The following EHBP1 variants were observed in gnomAD, a reference collection of about 807,000 sequenced individuals.
EHBP1 encodes the protein EH domain-binding protein 1.
In EHBP1, 55 loss-of-function variants were observed where a neutral mutation model predicts 144.0. The observed-to-expected ratio is 0.38, with a 90% confidence interval of 0.31 to 0.48. The LOEUF is 0.48. Ranked by LOEUF, EHBP1 falls within the 20% of genes least tolerant of loss-of-function variation. The pLI, the probability that EHBP1 is intolerant of heterozygous loss-of-function variation, is 0.98. For missense variants in EHBP1, 1,200 were observed against 1,364.2 expected (o/e 0.88, Z 1.90); for synonymous variants, 469 against 472.7 (o/e 0.99, Z 0.10).
chr2:62,823,318 C>T (rs1035075024), intron 5 of EHBP1, among the ~76,000 whole-genome samples: 2 of 152,120 alleles, frequency 1.3e-5, no homozygotes. Flanking sequence ...ATTCAGCACT[C>T]ACTTTTGTAT....
intron 2 of EHBP1, among the ~76,000 whole-genome samples, chr2:62,724,089 C>T (rs1022957978): frequency 6.6e-6 from 1 of 152,196 alleles, no homozygotes; most frequent in Admixed American, 6.5e-5. Context: ...TACACTCTCC[C>T]CATCTCTTTC....
chr2:62,855,679 A>G (rs2048998752), intron 7 of EHBP1, among the ~76,000 whole-genome samples: 1 of 152,186 alleles, frequency 6.6e-6, no homozygotes, highest in Admixed American at 6.5e-5. Flanking sequence ...AGCTGCAGAG[A>G]GAAGCAACCA....
At chr2:62,906,822 G>T (rs1364778714) in intron 10 of EHBP1, among the ~76,000 whole-genome samples, 1 of 152,066 alleles carries the variant, frequency 6.6e-6, no homozygotes, top group South Asian at 2.1e-4. Flanking sequence ...GTCATTTCAA[G>T]AATGTAATAT....
chr2:62,798,767 G>C (rs1196287857), intron 5 of EHBP1, among the ~76,000 whole-genome samples: 1 of 152,008 alleles, frequency 6.6e-6, no homozygotes, highest in Non-Finnish European at 1.5e-5. Context: ...CACTTTGGGA[G>C]GCCGAGGTGG....
intron 1 of EHBP1, among the ~76,000 whole-genome samples, chr2:62,676,074 A>G (rs543909718): frequency 1.3e-5 from 2 of 152,202 alleles, no homozygotes; most frequent in Non-Finnish European, 2.9e-5. Flanking sequence ...ATTAAGAATT[A>G]AAAGTTTCTT....
chr2:62,908,731 TTGA>T (rs2152969128), intron 10 of EHBP1, among the ~76,000 whole-genome samples: 1 of 152,346 alleles, frequency 6.6e-6, no homozygotes. Context: ...CTTTCTCTTC[TTGA>T]TTTCTAACTT....
chr2:62,864,694 A>G lies in EHBP1; in HGVS notation c.758-37A>G. 3 of 1,564,024 alleles carry G rather than the reference A, an allele frequency of 1.9e-6. No homozygotes were observed. The South Asian group carries it at 3.5e-5, about 18-fold the overall frequency. ...ACAATATTAGAAAATATCATATGGT[A>G]TTCATGTGATTTAATTCATCTGCTA... On this transcript the variant is annotated intron_variant, in intron 8 of 22. Transcript: ENST00000431489.
At chr2:62,741,420 T>A (rs1279507857) in intron 2 of EHBP1, among the ~76,000 whole-genome samples, 1 of 152,152 alleles carries the variant, frequency 6.6e-6, no homozygotes, top group Non-Finnish European at 1.5e-5. Flanking sequence ...TGTTCAAAGG[T>A]GGTAATATTA....
At chr2:62,975,887 TACACACACACACACAC>T (rs57375651) in intron 14 of EHBP1, among the ~76,000 whole-genome samples, 1,956 of 123,740 alleles carry the variant, frequency 0.016, 23 homozygotes, top group African/African-American at 0.038. Flanking sequence ...TTACTGTATG[TACACACACACACACAC>T]ACACACACAC....
At chr2:62,789,630 C>T (rs1225430727) in intron 5 of EHBP1, among the ~76,000 whole-genome samples, 4 of 152,162 alleles carry the variant, frequency 2.6e-5, no homozygotes. Context: ...ATTTCAGTAA[C>T]CTTTTAAGTA....
intron 3 of EHBP1, 23 bp downstream of exon 3, chr2:62,747,475 T>A: frequency 6.3e-7 from 1 of 1,585,466 alleles, no homozygotes; most frequent in Non-Finnish European, 8.6e-7. Flanking sequence ...TCTAAATTTC[T>A]TACCTAATTG....
intron 19 of EHBP1, among the ~76,000 whole-genome samples, chr2:63,008,555 A>C (rs560227083): frequency 6.6e-6 from 1 of 150,990 alleles, no homozygotes; most frequent in African/African-American, 2.4e-5. Context: ...GTGATATATA[A>C]ATCACTGCTT....
chr2:62,796,274 C>G (rs2043530360), intron 5 of EHBP1, among the ~76,000 whole-genome samples: 1 of 151,932 alleles, frequency 6.6e-6, no homozygotes, highest in Admixed American at 6.6e-5. Flanking sequence ...TGTGACACTG[C>G]CTAAGTCTTC....
chr2:62,810,142 A>T (rs987336100), intron 5 of EHBP1, among the ~76,000 whole-genome samples: 4 of 152,240 alleles, frequency 2.6e-5, no homozygotes, highest in African/African-American at 9.6e-5. Flanking sequence ...AAATATGTAC[A>T]GTGGTATCAA....
intron 1 of EHBP1, among the ~76,000 whole-genome samples, chr2:62,688,182 G>T (rs1430221424): frequency 6.6e-6 from 1 of 152,122 alleles, no homozygotes; most frequent in Non-Finnish European, 1.5e-5. Context: ...GTAAAAATTG[G>T]ATATTTCCAA....
At chr2:62,776,985 T>C (rs1415198678) in intron 5 of EHBP1, among the ~76,000 whole-genome samples, 1 of 152,212 alleles carries the variant, frequency 6.6e-6, no homozygotes, top group Non-Finnish European at 1.5e-5. Flanking sequence ...TTTCTTGTTT[T>C]TACATTTGAG....
At chr2:62,810,725 T>C (rs2044929010) in intron 5 of EHBP1, among the ~76,000 whole-genome samples, 1 of 152,238 alleles carries the variant, frequency 6.6e-6, no homozygotes, top group Admixed American at 6.5e-5. Context: ...TACCAGGTCT[T>C]ATTTAAACTA....
intron 1 of EHBP1, among the ~76,000 whole-genome samples, chr2:62,675,696 G>A (rs977951056): frequency 6.6e-6 from 1 of 152,176 alleles, no homozygotes; most frequent in Non-Finnish European, 1.5e-5. Flanking sequence ...AAGAACCCAT[G>A]GAGAGGTATC....
intron 1 of EHBP1, among the ~76,000 whole-genome samples, chr2:62,679,350 A>G (rs1162639050): frequency 1.3e-5 from 2 of 152,254 alleles, no homozygotes; most frequent in Non-Finnish European, 2.9e-5. Flanking sequence ...CCAAGAGGAC[A>G]TTAACCTAAA....
Sources: allele counts gnomAD v4.1 joint callset (sites outside exome capture counted in the v4.1 genomes callset), GRCh38; gene constraint gnomAD v4.1.1; transcripts MANE v1.5; gene names NCBI Gene and HGNC (gene_info 2026-07-23, HGNC 2026-07-21).